The following BEND5 variants were observed in gnomAD, a reference collection of about 807,000 sequenced individuals.
BEND5 encodes BEN domain containing 5, also known as BEN domain-containing protein 5.
Under a neutral mutation model 43.9 loss-of-function variants are expected in BEND5, and 22 were observed. The observed-to-expected ratio is 0.50, with a 90% confidence interval of 0.36 to 0.72. The LOEUF is 0.72. BEND5 is among the 30% of genes least tolerant of loss of function. The pLI is 0.00. For synonymous variants in BEND5, 228 were observed against 225.9 expected, an observed-to-expected ratio of 1.01 and a Z score of -0.08; for missense variants, 428 against 550.6, an observed-to-expected ratio of 0.78 and a Z score of 2.23.
chr1:48,759,485 G>T, intron 2 of BEND5: 2 of 1,081,418 alleles, frequency 1.8e-6, no homozygotes, highest in Non-Finnish European at 2.5e-6. Flanking sequence ...GGGGTTCCGA[G>T]TGGGGAAGGG....
At chr1:48,757,305 CACT>C (rs1165899778) in intron 3 of BEND5, among the ~76,000 whole-genome samples, 3 of 152,192 alleles carry the variant, frequency 2.0e-5, no homozygotes, top group African/African-American at 7.2e-5. Flanking sequence ...CCCCCATCAC[CACT>C]ACAAGAACAA....
intron 3 of BEND5, 78 bp from the exon 4 acceptor site, chr1:48,742,849 A>G (rs1650130914): frequency 2.9e-6 from 4 of 1,385,220 alleles, no homozygotes; most frequent in Non-Finnish European, 1.9e-6. Flanking sequence ...GGCATCTATC[A>G]GCACACCATG....
intron 5 of BEND5, 90 bp from the exon 6 acceptor site, chr1:48,728,133 C>T (rs1647472386): frequency 1.7e-6 from 2 of 1,183,896 alleles, no homozygotes; most frequent in Non-Finnish European, 2.4e-6. Context: ...TACCTCCCAA[C>T]ATACTTCCCA....
chr1:48,739,227 C>T (rs1253568771), intron 4 of BEND5, among the ~76,000 whole-genome samples: 8 of 152,218 alleles, frequency 5.3e-5, no homozygotes, highest in Admixed American at 5.2e-4. Context: ...CCAGTCCTTG[C>T]TCCCTTCAAC....
At chr1:48,769,273 T>G (rs935586171) in intron 1 of BEND5, among the ~76,000 whole-genome samples, 1 of 151,998 alleles carries the variant, frequency 6.6e-6, no homozygotes, top group Admixed American at 6.6e-5. Flanking sequence ...AGAGAAGGAA[T>G]TGCTAGCCAG....
chr1:48,749,856 T>C (rs557168438), intron 3 of BEND5, among the ~76,000 whole-genome samples: 13 of 152,262 alleles, frequency 8.5e-5, no homozygotes, highest in Admixed American at 2.0e-4. Flanking sequence ...CAAGGAAGCA[T>C]TGAAGGCCCA....
chr1:48,776,877 G>A lies in BEND5; in HGVS notation c.-46C>T. 1.5e-6 allele frequency: 2 copies of A among 1,367,024 alleles called. No homozygotes were observed. The highest frequency in any genetic ancestry group is 1.9e-6 in the Non-Finnish European group (2 of 1,027,410). The allele number at this position is 1,367,024 out of a possible 1,614,324, so 84.7% of individuals were successfully genotyped here. ...CCCGGTCGGGCAGCTCAGCCCGCGG[G>A]GCGGGCGCGGAGGTGGGGATCCGGC... is the stretch of plus-strand genomic sequence containing the variant. On this transcript the variant is annotated 5_prime_UTR_variant, in exon 1 of 6. Transcript: ENST00000371833.
In BEND5 at chr1:48,752,465, C is replaced by G. The variant is rs543781033; in HGVS notation, c.745+6435G>C. ...AGCTACAGACCAGTGAGTTTGAAAT[C>G]AAGTCCAGGCATGGTTGTAAAACAG... is the stretch of plus-strand genomic sequence containing the variant. On this transcript the variant is annotated intron_variant, in intron 3 of 5. Transcript: ENST00000371833. Among the ~76,000 whole-genome samples, 10 of 152,264 alleles carry G rather than the reference C, an allele frequency of 6.6e-5. No homozygotes were observed. The East Asian group carries it at 1.9e-3, about 30-fold the overall frequency.
rs148250746 is a variant in BEND5, at chr1:48,739,068, A to C, written c.895-2616T>G. Among the ~76,000 whole-genome samples the C allele has an allele frequency of 8.4e-4, 128 of 152,302 alleles. 2 individuals are homozygous for C. Among genetic ancestry groups the C allele is most frequent in the African/African-American group, 2.9e-3 (122 of 41,546 alleles). On this transcript the variant is annotated intron_variant, in intron 4 of 5. Coordinates refer to ENST00000371833, the MANE Select transcript of BEND5 (RefSeq NM_024603.4). ...CCACGGTGGTACTGATGTAGATCAA[A>C]GACAGCAGACCTAACACATCAATGT...
chr1:48,759,445 A>T, intron 2 of BEND5, 161 bp from the exon 3 acceptor site: 1 of 1,277,538 alleles, frequency 7.8e-7, no homozygotes, highest in Non-Finnish European at 1.0e-6. Context: ...CATTTTATAA[A>T]TGGGGAAACA....
Position 48,727,729 on chromosome 1 carries a change from G to T in BEND5, c.*157C>A. On this transcript the variant is annotated 3_prime_UTR_variant, in exon 6 of 6. Coordinates refer to ENST00000371833, the MANE Select transcript of BEND5 (RefSeq NM_024603.4). Reference sequence around the variant, plus strand: ...TCAGCAAAGCCATCTGTCGTCTTTGGAGTGTCCACATTCAGAACAAGCCGC... The same window carrying T: ...TCAGCAAAGCCATCTGTCGTCTTTGTAGTGTCCACATTCAGAACAAGCCGC... 1.8e-6 allele frequency: 1 copy of T among 559,034 alleles called. No homozygotes were observed. The allele number at this position is 559,034 out of a possible 1,614,324, so 34.6% of individuals were successfully genotyped here. A position where few individuals can be genotyped will look rare whatever the true frequency, so the allele number is the denominator to read the frequency against.
At chr1:48,750,448 G>A (rs1408527842) in intron 3 of BEND5, among the ~76,000 whole-genome samples, 1 of 152,022 alleles carries the variant, frequency 6.6e-6, no homozygotes, top group Non-Finnish European at 1.5e-5. Context: ...CTTAACTTGG[G>A]GCCTCCTGCA....
At position 48,776,696 on chromosome 1, in the gene BEND5, C is replaced by T. The variant is rs759856681; in HGVS notation, c.136G>A (p.Glu46Lys). ...GGGCTCTCGGGCCCGGCGCCCAATT[C>T]CTCCGGGCCCCGGTACACGGCGTAC... ...KVYAVYRGPE[E>K]LGAGPESPPR... Residue 46 changes from glutamate (E) to lysine (K), a missense_variant, in exon 1 of 6, where the codon GAA becomes AAA. Transcript: ENST00000371833. The T allele has an allele frequency of 4.0e-6, 6 of 1,517,320 alleles. No homozygotes were observed. The African/African-American group carries it at 4.3e-5, about 11-fold the overall frequency. The allele number at this position is 1,517,320 out of a possible 1,614,324, so 94.0% of individuals were successfully genotyped here.
intron 5 of BEND5, among the ~76,000 whole-genome samples, chr1:48,731,277 A>C (rs1648083639): frequency 6.6e-6 from 1 of 152,186 alleles, no homozygotes; most frequent in Admixed American, 6.5e-5. Context: ...TTTAGTAAAA[A>C]AAAAAAATCA....
intron 1 of BEND5, among the ~76,000 whole-genome samples, chr1:48,772,979 C>T (rs1316963873): frequency 6.6e-6 from 1 of 152,148 alleles, no homozygotes; most frequent in Non-Finnish European, 1.5e-5. Context: ...CACTCCCTCC[C>T]CCACAGAAAT....
At chr1:48,759,454 CATTTTATAA>C in intron 2 of BEND5, 170 bp from the exon 3 acceptor site, 1 of 1,259,198 alleles carries the variant, frequency 7.9e-7, no homozygotes, top group Non-Finnish European at 1.1e-6. Flanking sequence ...AATGGGGAAA[CATTTTATAA>C]ATTTTATAAA....
At chr1:48,732,605 G>A (rs1019083116) in intron 5 of BEND5, among the ~76,000 whole-genome samples, 4 of 151,906 alleles carry the variant, frequency 2.6e-5, no homozygotes, top group African/African-American at 4.9e-5. Context: ...GGGAGGGCAC[G>A]CAGATCAGGA....
At chr1:48,734,094 G>A (rs1037318628) in intron 5 of BEND5, among the ~76,000 whole-genome samples, 4 of 152,180 alleles carry the variant, frequency 2.6e-5, no homozygotes, top group African/African-American at 9.7e-5. Flanking sequence ...TTTTCTCAGG[G>A]TGACCTCCCA....
intron 3 of BEND5, 64 bp downstream of exon 3, chr1:48,758,836 G>A (rs1253657839): frequency 2.9e-6 from 4 of 1,385,444 alleles, no homozygotes; most frequent in Non-Finnish European, 3.8e-6. Context: ...TCCCTTCCTG[G>A]AAGAGGATCT....
Sources: allele counts gnomAD v4.1 joint callset (sites outside exome capture counted in the v4.1 genomes callset), GRCh38; gene constraint gnomAD v4.1.1; transcripts MANE v1.5; gene names NCBI Gene and HGNC (gene_info 2026-07-23, HGNC 2026-07-21).